EYS: variants seen among roughly 807,000 people sequenced by gnomAD.
EYS encodes EGF-like photoreceptor maintenance factor.
EYS carries 250 observed loss-of-function variants against 282.1 expected under a neutral mutation model. That is an observed-to-expected ratio of 0.89 (90% CI 0.80 to 0.98). The LOEUF (loss-of-function observed/expected upper bound fraction) is 0.98. EYS is among the 50% of genes least tolerant of loss of function. EYS has a pLI of 0.00. For missense variants in EYS, 4,016 were observed against 3,709.0 expected (o/e 1.08, Z -2.15); for synonymous variants, 1,355 against 1,282.9 (o/e 1.06, Z -1.20).
At chr6:63,878,049 C>A (rs1403212623) in intron 35 of EYS, among the ~76,000 whole-genome samples, 1 of 152,204 alleles carries the variant, frequency 6.6e-6, no homozygotes, top group Non-Finnish European at 1.5e-5. Flanking sequence ...GGAGAAGAGG[C>A]ACTCTGACTT....
rs144571382 is a variant in EYS, at chr6:65,633,108, G to A, written c.-333+6670C>T. On this transcript the variant is annotated intron_variant, in intron 2 of 42. Transcript: ENST00000503581. The stretch of plus-strand genomic sequence containing the variant: ...AAAGTATTTTTCTTGCTACCACAAC[G>A]TAATCATTGCATTGTTAGGGTTGTG... Among the ~76,000 whole-genome samples, 66 of 152,244 alleles carry A rather than the reference G, an allele frequency of 4.3e-4. 1 individual carries two copies. The highest frequency in any genetic ancestry group is 3.4e-3 in the Middle Eastern group (1 of 294).
At chr6:63,951,143 C>A (rs1325351414) in intron 35 of EYS, among the ~76,000 whole-genome samples, 1 of 152,040 alleles carries the variant, frequency 6.6e-6, no homozygotes, top group African/African-American at 2.4e-5. Flanking sequence ...TATAGGCAAC[C>A]TTCCACCCAC....
At chr6:63,736,741 T>C (rs1389195411) in intron 41 of EYS, among the ~76,000 whole-genome samples, 1 of 152,086 alleles carries the variant, frequency 6.6e-6, no homozygotes, top group Non-Finnish European at 1.5e-5. Context: ...CTTCCATTTG[T>C]TTGTATCCTC....
intron 12 of EYS, among the ~76,000 whole-genome samples, chr6:65,127,071 T>C (rs1299711505): frequency 2.0e-5 from 3 of 152,124 alleles, no homozygotes; most frequent in African/African-American, 7.2e-5. Flanking sequence ...GAAAACTGTT[T>C]CAAAATTCTT....
At chr6:64,154,628 T>C (rs1173642677) in intron 31 of EYS, among the ~76,000 whole-genome samples, 1 of 152,126 alleles carries the variant, frequency 6.6e-6, no homozygotes, top group Non-Finnish European at 1.5e-5. Context: ...ACAATAAACA[T>C]AATATGTGCT....
chr6:64,919,080 C>G (rs566320703), intron 15 of EYS, among the ~76,000 whole-genome samples: 66 of 152,204 alleles, frequency 4.3e-4, no homozygotes, highest in African/African-American at 1.5e-3. Context: ...AAGAAATAGG[C>G]AGGAAAGAGT....
At chr6:64,348,545 G>A (rs1008015177) in intron 29 of EYS, among the ~76,000 whole-genome samples, 6 of 151,264 alleles carry the variant, frequency 4.0e-5, no homozygotes, top group Non-Finnish European at 8.9e-5. Flanking sequence ...TAAAGTATTC[G>A]GAAGCCCACT....
chr6:63,989,406 T>A (rs1213143329), intron 34 of EYS, among the ~76,000 whole-genome samples: 1 of 151,602 alleles, frequency 6.6e-6, no homozygotes, highest in Non-Finnish European at 1.5e-5. Flanking sequence ...TTAAGGGAAA[T>A]AAGTGAAAAG....
chr6:65,615,371 G>C lies in EYS; in HGVS notation c.-333+24407C>G, dbSNP rs1465129441. On this transcript the variant is annotated intron_variant, in intron 2 of 42. Coordinates refer to ENST00000503581, the MANE Select transcript of EYS (RefSeq NM_001142800.2). ...CAGTTATCCGAATATTCAAAACCGA[G>C]TTCATTTTATTTATTTATATATATA... is the stretch of plus-strand genomic sequence containing the variant. 2.1e-5 allele frequency among the ~76,000 whole-genome samples: 3 copies of C among 142,778 alleles called. No individual in the cohort carries two copies. In the East Asian group the frequency reaches 6.1e-4, roughly 29 times the overall value. 93.7% of individuals were successfully genotyped at this position (142,778 alleles called of 152,430 possible).
intron 29 of EYS, among the ~76,000 whole-genome samples, chr6:64,313,818 G>A (rs1024204790): frequency 6.6e-6 from 1 of 152,126 alleles, no homozygotes; most frequent in Non-Finnish European, 1.5e-5. Flanking sequence ...AGCAAATGCT[G>A]AGAGATTTTG....
intron 35 of EYS, among the ~76,000 whole-genome samples, chr6:63,903,692 T>C (rs1469425995): frequency 1.3e-5 from 2 of 152,194 alleles, no homozygotes; most frequent in South Asian, 4.1e-4. Flanking sequence ...GTAAGCTCCA[T>C]GAAAGCAGGG....
At chr6:64,941,434 A>G (rs1275793966) in intron 15 of EYS, among the ~76,000 whole-genome samples, 1 of 152,080 alleles carries the variant, frequency 6.6e-6, no homozygotes, top group African/African-American at 2.4e-5. Context: ...AATAATAGCA[A>G]TAGCTACTAA....
At chr6:63,928,472 A>G (rs537379384) in intron 35 of EYS, among the ~76,000 whole-genome samples, 1 of 152,196 alleles carries the variant, frequency 6.6e-6, no homozygotes, top group African/African-American at 2.4e-5. Flanking sequence ...GTCAAATGAC[A>G]AAATAATTTG....
intron 2 of EYS, among the ~76,000 whole-genome samples, chr6:65,618,622 C>T (rs1582526430): frequency 6.6e-6 from 1 of 152,252 alleles, no homozygotes; most frequent in Non-Finnish European, 1.5e-5. Flanking sequence ...ATATGAAGTC[C>T]TTGCCCATGC....
chr6:64,686,854 TGTGTATATATATAC>T lies in EYS; in HGVS notation c.3444-60623_3444-60610del, dbSNP rs1379894450. Among the ~76,000 whole-genome samples, 86 of 19,742 alleles carry T rather than the reference TGTGTATATATATAC, an allele frequency of 4.4e-3. 14 individuals carry two copies. Among genetic ancestry groups the T allele is most frequent in the African/African-American group, 0.012 (74 of 6,212 alleles). 13.0% of individuals were successfully genotyped at this position (19,742 alleles called of 152,430 possible). A position where few individuals can be genotyped will look rare whatever the true frequency, so the allele number is the denominator to read the frequency against. On this transcript the variant is annotated intron_variant, in intron 22 of 42. Transcript: ENST00000503581. ...ATATATATACGTGTATATATATATATGTGTATATATATACGTGTATATATATATACACACACATA... is the reference window on the plus strand; with the variant it reads ...ATATATATACGTGTATATATATATATGTGTATATATATATACACACACATA...
intron 24 of EYS, among the ~76,000 whole-genome samples, chr6:64,601,870 C>A (rs968527674): frequency 4.6e-5 from 7 of 152,048 alleles, no homozygotes; most frequent in Non-Finnish European, 7.4e-5. Context: ...GCTCAACTCC[C>A]ATTATCCACT....
chr6:64,779,000 G>T (rs940550643), intron 22 of EYS, among the ~76,000 whole-genome samples: 16 of 152,072 alleles, frequency 1.1e-4, no homozygotes, highest in African/African-American at 3.6e-4. Context: ...CCAAATACTG[G>T]CAAGTATGCG....
At chr6:65,602,293 T>C (rs1032280691) in intron 2 of EYS, among the ~76,000 whole-genome samples, 18 of 151,904 alleles carry the variant, frequency 1.2e-4, no homozygotes, top group African/African-American at 3.4e-4. Context: ...ATTAAAGTTA[T>C]TGGGTTATAA....
chr6:64,333,428 G>C (rs367674799), intron 29 of EYS, among the ~76,000 whole-genome samples: 1 of 152,098 alleles, frequency 6.6e-6, no homozygotes, highest in African/African-American at 2.4e-5. Context: ...CACCAAGGCC[G>C]TAATAGAAGA....
Sources: allele counts gnomAD v4.1 joint callset (sites outside exome capture counted in the v4.1 genomes callset), GRCh38; gene constraint gnomAD v4.1.1; transcripts MANE v1.5; gene names NCBI Gene and HGNC (gene_info 2026-07-23, HGNC 2026-07-21).